Variants in UBAC1 observed in about 807,000 individuals in gnomAD.
The protein encoded by UBAC1 is ubiquitin-associated domain-containing protein 1.
A neutral mutation model predicts 45.9 loss-of-function variants in UBAC1; 27 were observed. The observed-to-expected ratio is 0.59, with a 90% CI of 0.43 to 0.81. The LOEUF (loss-of-function observed/expected upper bound fraction) is 0.81. Ranked by LOEUF, UBAC1 falls within the 30% of genes least tolerant of loss-of-function variation. The probability of loss-of-function intolerance (pLI) is 0.00; values close to 1 mark genes in which losing one functional copy is unlikely to be tolerated. For synonymous variants in UBAC1, 227 were observed against 215.5 expected (o/e 1.05, Z -0.47); for missense variants, 529 against 539.2 (o/e 0.98, Z 0.19).
At chr9:135,937,055 C>G (rs187379195) in intron 9 of UBAC1, among the ~76,000 whole-genome samples, 1 of 152,178 alleles carries the variant, frequency 6.6e-6, no homozygotes, top group African/African-American at 2.4e-5. Context: ...GCGGCCAATA[C>G]GCTTCTGAAA....
chr9:135,946,756 G>T (rs980564770), intron 4 of UBAC1, among the ~76,000 whole-genome samples: 1 of 152,256 alleles, frequency 6.6e-6, no homozygotes, highest in African/African-American at 2.4e-5. Context: ...AGCCCCCAGT[G>T]GAGGCATGGC....
chr9:135,947,716 C>T, intron 4 of UBAC1, 82 bp downstream of exon 4: 1 of 1,159,196 alleles, frequency 8.6e-7, no homozygotes. Flanking sequence ...CCTCTTGCTG[C>T]CCCGCCCCGC....
chr9:135,951,245 A>G (rs1839403280), intron 3 of UBAC1, among the ~76,000 whole-genome samples: 1 of 152,174 alleles, frequency 6.6e-6, no homozygotes, highest in African/African-American at 2.4e-5. Context: ...GCACCCAGCC[A>G]AGACTGCTAA....
intron 4 of UBAC1, chr9:135,947,569 A>C (rs1379466512): frequency 4.3e-6 from 2 of 462,550 alleles, no homozygotes; most frequent in Non-Finnish European, 3.8e-6. Context: ...TCCCAGGGGT[A>C]TCTATCTTTT....
At chr9:135,953,529 A>C (rs1000765067) in intron 3 of UBAC1, 151 bp downstream of exon 3, 6 of 498,978 alleles carry the variant, frequency 1.2e-5, no homozygotes, top group Non-Finnish European at 2.1e-5. Flanking sequence ...CATATTTGCC[A>C]GGATGGTCTT....
chr9:135,950,314 C>T (rs1588534761), intron 3 of UBAC1, among the ~76,000 whole-genome samples: 1 of 152,162 alleles, frequency 6.6e-6, no homozygotes, highest in East Asian at 1.9e-4. Context: ...AACTCTAACA[C>T]GGGAAAGAGG....
chr9:135,948,067 C>G (rs1839360015), intron 3 of UBAC1, 162 bp from the exon 4 acceptor site: 2 of 630,790 alleles, frequency 3.2e-6, no homozygotes, highest in Non-Finnish European at 5.5e-6. Flanking sequence ...GAGTTCTGTG[C>G]AAGGCCCAGG....
At chr9:135,944,931 C>A in intron 7 of UBAC1, 97 bp downstream of exon 7, 1 of 1,277,970 alleles carries the variant, frequency 7.8e-7, no homozygotes, top group Non-Finnish European at 1.1e-6. Flanking sequence ...GCCAGCTCAG[C>A]CCAAGGTCAG....
chr9:135,960,940 G>C (rs979888139), intron 1 of UBAC1, 85 bp downstream of exon 1: 5 of 1,268,832 alleles, frequency 3.9e-6, no homozygotes, highest in Non-Finnish European at 5.2e-6. Flanking sequence ...ACCCCAGGTC[G>C]GGGCGGTTCG....
In UBAC1 at chr9:135,933,005, G is replaced by C. The variant is rs1326182697; in HGVS notation, c.*395C>G. The C allele has an allele frequency of 6.1e-6, 1 of 162,690 alleles. No individual in the cohort carries two copies. The highest frequency in any genetic ancestry group is 2.4e-5 in the African/African-American group (1 of 41,784). The allele number at this position is 162,690 out of a possible 1,614,324, so 10.1% of individuals were successfully genotyped here. A position where few individuals can be genotyped will look rare whatever the true frequency, so the allele number is the denominator to read the frequency against. On this transcript the variant is annotated 3_prime_UTR_variant, in exon 10 of 10. Transcript: ENST00000371756. ...ACTTTATTAAAGAAAAGTCATCTGT[G>C]AGTGACTAGTTAAATTAGCATGCTT...
intron 7 of UBAC1, among the ~76,000 whole-genome samples, chr9:135,943,908 G>A (rs1442003925): frequency 6.6e-6 from 1 of 152,132 alleles, no homozygotes; most frequent in African/African-American, 2.4e-5. Context: ...CTTATAAGTG[G>A]GAGCTGAAAA....
intron 9 of UBAC1, among the ~76,000 whole-genome samples, chr9:135,936,739 T>G (rs1839206561): frequency 6.6e-6 from 1 of 152,120 alleles, no homozygotes; most frequent in Admixed American, 6.5e-5. Flanking sequence ...GTGATCCACC[T>G]GCCTCAGCCT....
At chr9:135,958,747 T>A (rs1395904923) in intron 1 of UBAC1, among the ~76,000 whole-genome samples, 1 of 152,180 alleles carries the variant, frequency 6.6e-6, no homozygotes, top group Non-Finnish European at 1.5e-5. Context: ...GGTTCTCTTT[T>A]CTGACTAACG....
intron 1 of UBAC1, 125 bp from the exon 2 acceptor site, chr9:135,955,540 A>G (rs1839457485): frequency 1.9e-6 from 2 of 1,061,026 alleles, no homozygotes; most frequent in Admixed American, 2.8e-5. Flanking sequence ...AAATTACACC[A>G]TGGATGAAAT....
chr9:135,943,565 A>C (rs1839292818), intron 7 of UBAC1, among the ~76,000 whole-genome samples: 1 of 152,240 alleles, frequency 6.6e-6, no homozygotes. Context: ...TCAAAGACCT[A>C]GAAACAGAAA....
Position 135,933,382 on chromosome 9 carries a change from C to G in UBAC1, c.*18G>C, listed in dbSNP as rs748761834. ...CAGGGGGCTGCTGTGGCCTGATAGC[C>G]GAGTGGAACAACGCCACCTACGTGC... On this transcript the variant is annotated 3_prime_UTR_variant, in exon 10 of 10. Coordinates refer to ENST00000371756, the MANE Select transcript of UBAC1 (RefSeq NM_016172.3). The G allele has an allele frequency of 6.2e-7, 1 of 1,608,236 alleles. No individual in the cohort carries two copies. Among genetic ancestry groups the G allele is most frequent in the Non-Finnish European group, 8.5e-7 (1 of 1,174,812 alleles).
chr9:135,952,637 GT>G (rs1839419939), intron 3 of UBAC1, among the ~76,000 whole-genome samples: 1 of 152,230 alleles, frequency 6.6e-6, no homozygotes, highest in South Asian at 2.1e-4. Context: ...ATCCAGTTCT[GT>G]TTTGCAAGAA....
intron 7 of UBAC1, among the ~76,000 whole-genome samples, chr9:135,941,432 AT>A: frequency 6.6e-6 from 1 of 152,290 alleles, no homozygotes; most frequent in South Asian, 2.1e-4. Context: ...TGTATTTTCT[AT>A]TTATGGTCCA....
intron 3 of UBAC1, among the ~76,000 whole-genome samples, chr9:135,950,193 A>G (rs879296084): frequency 2.6e-5 from 4 of 152,252 alleles, no homozygotes; most frequent in Non-Finnish European, 5.9e-5. Context: ...GAGCTCACCC[A>G]GCCAGACTTC....
Sources: allele counts gnomAD v4.1 joint callset (sites outside exome capture counted in the v4.1 genomes callset), GRCh38; gene constraint gnomAD v4.1.1; transcripts MANE v1.5; gene names NCBI Gene and HGNC (gene_info 2026-07-23, HGNC 2026-07-21).